TCTN3: variants seen among roughly 807,000 people sequenced by gnomAD.
The protein encoded by TCTN3 is tectonic family member 3.
Under a neutral mutation model 71.3 loss-of-function variants are expected in TCTN3, and 57 were observed. That is an observed-to-expected ratio of 0.80 (90% CI 0.65 to 1.00). The LOEUF (loss-of-function observed/expected upper bound fraction) is 1.00, where lower values mean the gene tolerates loss of function less well. Ranked by LOEUF, TCTN3 falls within the 50% of genes least tolerant of loss-of-function variation. TCTN3 has a pLI of 0.00. For synonymous variants in TCTN3, 258 were observed against 267.8 expected (o/e 0.96, Z 0.36); for missense variants, 696 against 719.9 (o/e 0.97, Z 0.38).
chr10:95,680,638 G>C, intron 12 of TCTN3, 29 bp from the exon 13 acceptor site: 1 of 1,606,142 alleles, frequency 6.2e-7, no homozygotes, highest in Non-Finnish European at 8.5e-7. Context: ...GCATCTGCTT[G>C]AATTGCCTGA....
At position 95,687,144 on chromosome 10, in the gene TCTN3, T is replaced by C. The variant is rs769848895; in HGVS notation, c.752A>G (p.Lys251Arg). The change falls in exon 6 of 14, where the codon AAA (lysine) becomes AGA (arginine). Residue 251 changes from lysine to arginine, a missense_variant. Lys to Arg is a conservative substitution (Grantham distance 26). Transcript: ENST00000371217. ...GAAAAAACGAGTGCAAGTTGTACTT[T>C]TACTCTCTAGGAAACCTTAAACACA... The part of the protein sequence containing the change: ...ESNPAGFLES[K>R]STTCTRFFKN... 30 of 1,613,984 alleles carry C rather than the reference T, an allele frequency of 1.9e-5. No individual in the cohort carries two copies. Among genetic ancestry groups the C allele is most frequent in the Non-Finnish European group, 2.3e-5 (27 of 1,179,978 alleles).
At chr10:95,674,249 T>A (rs1280492476) in intron 13 of TCTN3, among the ~76,000 whole-genome samples, 1 of 152,204 alleles carries the variant, frequency 6.6e-6, no homozygotes, top group Non-Finnish European at 1.5e-5. Context: ...AGGTCTTGCA[T>A]CTTTTTGCTA....
At chr10:95,684,427 C>T in intron 9 of TCTN3, 72 bp downstream of exon 9, 9 of 1,568,646 alleles carry the variant, frequency 5.7e-6, no homozygotes, top group Non-Finnish European at 7.8e-6. Context: ...ACATGTATTA[C>T]AGAAGCAAAG....
chr10:95,686,442 T>C, intron 7 of TCTN3, 53 bp downstream of exon 7: 4 of 1,586,432 alleles, frequency 2.5e-6, no homozygotes, highest in Non-Finnish European at 3.5e-6. Flanking sequence ...TTGCCTCAGA[T>C]GCAGAGGAGC....
At chr10:95,673,510 A>T (rs912122712) in intron 13 of TCTN3, among the ~76,000 whole-genome samples, 3 of 152,042 alleles carry the variant, frequency 2.0e-5, no homozygotes, top group Non-Finnish European at 4.4e-5. Flanking sequence ...TTAATAGTGA[A>T]TTCTGAGATT....
rs879694012 is a variant in TCTN3 at position 95,693,882 on chromosome 10, G to C, written c.18C>G (p.Leu6=). 6.4e-7 allele frequency: 1 copy of C among 1,551,714 alleles called. No individual in the cohort carries two copies. The highest frequency in any genetic ancestry group is 1.2e-5 in the South Asian group (1 of 84,056). Residue 6 remains leucine (L), a synonymous_variant, in exon 1 of 14, where the codon CTC becomes CTG. Transcript: ENST00000371217. ...CCAGAAAGAACACTTGCAGGAGCGCGAGCTGTGGGGTGCGCATGGGGCATT... is the reference window on the plus strand; with the variant it reads ...CCAGAAAGAACACTTGCAGGAGCGCCAGCTGTGGGGTGCGCATGGGGCATT... MRTPQ[L]ALLQVFFLVF...
rs538067316 is a variant in TCTN3, at chr10:95,669,168, A to G, written c.1591-4868T>C. Among the ~76,000 whole-genome samples, 28 of 152,370 alleles carry G rather than the reference A, an allele frequency of 1.8e-4. No individual in the cohort carries two copies. In the South Asian group the frequency reaches 5.4e-3, roughly 29 times the overall value. ...AGGAAAATAACCGACCTACAAAAAT[A>G]GAAAGTCAATACATTATCTGTGAAA... On this transcript the variant is annotated intron_variant, in intron 13 of 13. Coordinates refer to ENST00000371217, the MANE Select transcript of TCTN3 (RefSeq NM_015631.6).
chr10:95,672,970 G>A (rs2097933190), intron 13 of TCTN3, among the ~76,000 whole-genome samples: 2 of 42,096 alleles, frequency 4.8e-5, no homozygotes, highest in South Asian at 5.2e-4. Context: ...TGGGATTACA[G>A]GTGTGAGTGA....
At chr10:95,685,015 C>T (rs558806584) in intron 8 of TCTN3, among the ~76,000 whole-genome samples, 22 of 152,278 alleles carry the variant, frequency 1.4e-4, no homozygotes, top group African/African-American at 5.3e-4. Context: ...ATACAAGTTG[C>T]AGGCAATTGA....
At chr10:95,681,880 G>A (rs928639442) in intron 12 of TCTN3, among the ~76,000 whole-genome samples, 2 of 152,146 alleles carry the variant, frequency 1.3e-5, no homozygotes, top group African/African-American at 4.8e-5. Flanking sequence ...AATACATTAG[G>A]TATTTTAAAC....
intron 13 of TCTN3, among the ~76,000 whole-genome samples, chr10:95,665,412 G>A (rs958702682): frequency 1.3e-5 from 2 of 152,028 alleles, no homozygotes; most frequent in African/African-American, 4.8e-5. Context: ...CCAAGTAGCT[G>A]GGATTATAGG....
chr10:95,672,034 C>T (rs59543135), intron 13 of TCTN3, among the ~76,000 whole-genome samples: 1,894 of 152,168 alleles, frequency 0.012, 52 homozygotes, highest in African/African-American at 0.044. Flanking sequence ...AGCCAATACG[C>T]AAAGCAAGGT....
At chr10:95,675,044 G>C (rs910432791) in intron 13 of TCTN3, among the ~76,000 whole-genome samples, 1 of 152,146 alleles carries the variant, frequency 6.6e-6, no homozygotes, top group African/African-American at 2.4e-5. Context: ...ATATGTTACA[G>C]GATAAAGGTG....
chr10:95,683,467 C>A lies in TCTN3; in HGVS notation c.1203+55G>T, dbSNP rs770952745. ...GCTAGTCTAACATAAGTTTGAAAGC[C>A]TTTGCAGCTTTTCTCATTAGGCTGC... On this transcript the variant is annotated intron_variant, in intron 10 of 13. Transcript: ENST00000371217. The A allele has an allele frequency of 2.5e-6, 4 of 1,613,788 alleles. No homozygotes were observed. In the South Asian group the frequency reaches 4.4e-5, roughly 18 times the overall value.
At position 95,693,709 on chromosome 10, in the gene TCTN3, G is replaced by C; in HGVS notation, c.191C>G (p.Pro64Arg). The C allele has an allele frequency of 6.4e-7, 1 of 1,551,720 alleles. No homozygotes were observed. Among genetic ancestry groups the C allele is most frequent in the Non-Finnish European group, 8.7e-7 (1 of 1,147,002 alleles). Residue 64 changes from proline (P) to arginine (R), a missense_variant, in exon 1 of 14, where the codon CCT becomes CGT. Transcript: ENST00000371217. ...AGTCACGAGAGTAGGGACCACTGTA[G>C]GGAGTCCAGGCACGGCCGGGCGAGT... ...TATRPAVPGL[P>R]TVVPTLVTPS...
chr10:95,673,022 C>T (rs2097933254), intron 13 of TCTN3, among the ~76,000 whole-genome samples: 2 of 151,992 alleles, frequency 1.3e-5, no homozygotes, highest in Admixed American at 1.3e-4. Context: ...ATCTTTTGCC[C>T]ATTTTTAGTT....
intron 13 of TCTN3, among the ~76,000 whole-genome samples, chr10:95,666,094 T>A (rs915106111): frequency 2.0e-5 from 3 of 151,946 alleles, no homozygotes; most frequent in African/African-American, 7.3e-5. Context: ...GTGCCCACCA[T>A]CACACCTGGC....
Position 95,683,204 on chromosome 10 carries a change from G to A in TCTN3, c.1204-9C>T. The A allele has an allele frequency of 1.2e-6, 2 of 1,610,102 alleles. No individual in the cohort carries two copies. Among genetic ancestry groups the A allele is most frequent in the South Asian group, 1.1e-5 (1 of 90,390 alleles). On this transcript the variant is annotated splice_polypyrimidine_tract_variant and intron_variant, in intron 10 of 13. Transcript: ENST00000371217. ...CTCTGTAAGAGGGTCATCCAAGGTGGAAAAGTGATGATCAAGGACATCATA... is the reference window on the plus strand; with the variant it reads ...CTCTGTAAGAGGGTCATCCAAGGTGAAAAAGTGATGATCAAGGACATCATA...
intron 3 of TCTN3, among the ~76,000 whole-genome samples, chr10:95,691,031 C>T (rs779320565): frequency 6.6e-6 from 1 of 152,200 alleles, no homozygotes; most frequent in East Asian, 1.9e-4. Context: ...CCACTGATCC[C>T]GAAGGAGTGT....
Sources: allele counts gnomAD v4.1 joint callset (sites outside exome capture counted in the v4.1 genomes callset), GRCh38; gene constraint gnomAD v4.1.1; transcripts MANE v1.5; gene names NCBI Gene and HGNC (gene_info 2026-07-23, HGNC 2026-07-21).